Variants in BACH2 observed in about 807,000 individuals in gnomAD.
BACH2 encodes BACH transcriptional regulator 2, also known as transcription regulator protein BACH2.
In BACH2, 5 loss-of-function variants were observed where a neutral mutation model predicts 61.8. That is an observed-to-expected ratio of 0.08 (90% CI 0.04 to 0.17). The LOEUF (loss-of-function observed/expected upper bound fraction) is 0.17. BACH2 is among the 10% of genes least tolerant of loss of function. The pLI is 1.00. For missense variants in BACH2, 824 were observed against 1,091.1 expected, an observed-to-expected ratio of 0.76 and a Z score of 3.45; for synonymous variants, 446 against 440.1, an observed-to-expected ratio of 1.01 and a Z score of -0.17.
chr6:90,000,607 G>T (rs1196717183), intron 6 of BACH2, among the ~76,000 whole-genome samples: 1 of 152,186 alleles, frequency 6.6e-6, no homozygotes, highest in Admixed American at 6.5e-5. Context: ...GGCCCTGCAA[G>T]TCAAACTGGT....
chr6:90,246,498 T>C (rs147564079), intron 3 of BACH2, among the ~76,000 whole-genome samples: 1 of 152,266 alleles, frequency 6.6e-6, no homozygotes, highest in Non-Finnish European at 1.5e-5. Flanking sequence ...TCCTCCCTAT[T>C]GATGTCTAAT....
intron 5 of BACH2, among the ~76,000 whole-genome samples, chr6:90,069,286 G>A (rs1781112455): frequency 6.6e-6 from 1 of 152,194 alleles, no homozygotes; most frequent in Non-Finnish European, 1.5e-5. Context: ...GGATGGCAGT[G>A]TTCCAATTTC....
intron 8 of BACH2, among the ~76,000 whole-genome samples, chr6:89,934,064 A>G (rs1030588079): frequency 6.6e-6 from 1 of 152,142 alleles, no homozygotes; most frequent in African/African-American, 2.4e-5. Flanking sequence ...TAACATACGG[A>G]GTTTCATATA....
chr6:90,076,260 G>A (rs762937787), intron 5 of BACH2, among the ~76,000 whole-genome samples: 1 of 152,022 alleles, frequency 6.6e-6, no homozygotes, highest in African/African-American at 2.4e-5. Flanking sequence ...GAGCGAATGA[G>A]GATTAAATCT....
chr6:90,287,708 AG>A (rs1772063927), intron 1 of BACH2, among the ~76,000 whole-genome samples: 1 of 152,214 alleles, frequency 6.6e-6, no homozygotes, highest in African/African-American at 2.4e-5. Context: ...CTCTCCATTC[AG>A]AAATGGTCTC....
At chr6:90,026,031 G>A (rs946051732) in intron 5 of BACH2, among the ~76,000 whole-genome samples, 3 of 152,100 alleles carry the variant, frequency 2.0e-5, no homozygotes, top group African/African-American at 7.2e-5. Flanking sequence ...CGGGTGGGAG[G>A]GGAGTTCCCA....
intron 2 of BACH2, among the ~76,000 whole-genome samples, chr6:90,261,368 G>A (rs1243586919): frequency 6.6e-6 from 1 of 152,030 alleles, no homozygotes; most frequent in Admixed American, 6.6e-5. Context: ...TTTTAACCTT[G>A]AAAAAGAATA....
At chr6:89,961,103 A>G (rs1272572225) in intron 6 of BACH2, among the ~76,000 whole-genome samples, 2 of 152,198 alleles carry the variant, frequency 1.3e-5, no homozygotes, top group East Asian at 1.9e-4. Flanking sequence ...ATAGATGGTT[A>G]TATTTCCTAG....
At chr6:90,062,921 C>G in intron 5 of BACH2, 1 of 985,360 alleles carries the variant, frequency 1.0e-6, no homozygotes, top group Non-Finnish European at 1.2e-6. Flanking sequence ...CCAGTTCCTG[C>G]TGATCTGAGA....
chr6:90,150,513 C>T (rs1784778497), intron 4 of BACH2, among the ~76,000 whole-genome samples: 1 of 152,182 alleles, frequency 6.6e-6, no homozygotes, highest in Non-Finnish European at 1.5e-5. Context: ...TCCTGAGAAG[C>T]AGACACTAAC....
chr6:90,030,351 G>A (rs1261734737), intron 5 of BACH2, among the ~76,000 whole-genome samples: 1 of 152,088 alleles, frequency 6.6e-6, no homozygotes, highest in African/African-American at 2.4e-5. Flanking sequence ...GGCTCTGGAA[G>A]GCCTGGGTTT....
chr6:89,933,859 G>A (rs985835346), intron 8 of BACH2, among the ~76,000 whole-genome samples: 3 of 151,986 alleles, frequency 2.0e-5, no homozygotes, highest in African/African-American at 7.3e-5. Flanking sequence ...GGTGGCACAC[G>A]CCTGTAGTTT....
chr6:90,254,466 T>C (rs1352475406), intron 2 of BACH2, among the ~76,000 whole-genome samples: 3 of 152,054 alleles, frequency 2.0e-5, no homozygotes, highest in Non-Finnish European at 4.4e-5. Flanking sequence ...CATATAATGG[T>C]ATAATGCCCC....
intron 4 of BACH2, among the ~76,000 whole-genome samples, chr6:90,187,735 A>T (rs536501928): frequency 3.3e-4 from 50 of 152,336 alleles, no homozygotes; most frequent in African/African-American, 1.1e-3. Context: ...TCTGTTTTTT[A>T]AAAAATTAAA....
intron 4 of BACH2, among the ~76,000 whole-genome samples, chr6:90,177,789 T>G (rs895822785): frequency 2.0e-5 from 3 of 152,162 alleles, no homozygotes; most frequent in Non-Finnish European, 4.4e-5. Context: ...AATGCCATCC[T>G]TAACAGATCC....
At chr6:89,984,656 A>C (rs1444915595) in intron 6 of BACH2, among the ~76,000 whole-genome samples, 1 of 152,198 alleles carries the variant, frequency 6.6e-6, no homozygotes. Flanking sequence ...GTTTTCTTTG[A>C]GTAGAGATTA....
intron 3 of BACH2, among the ~76,000 whole-genome samples, chr6:90,219,663 T>A (rs1464954877): frequency 1.3e-5 from 2 of 152,280 alleles, no homozygotes; most frequent in East Asian, 3.9e-4. Flanking sequence ...CCCTTCCTCA[T>A]CTACTGAGTG....
At position 90,205,079 on chromosome 6, in the gene BACH2, C is replaced by A. The variant is rs1312471861; in HGVS notation, c.-162+1490G>T. Among the ~76,000 whole-genome samples the A allele has an allele frequency of 2.0e-4, 31 of 152,022 alleles. 1 individual carries two copies. The highest frequency in any genetic ancestry group is 1.5e-5 in the Non-Finnish European group (1 of 67,986). On this transcript the variant is annotated intron_variant, in intron 4 of 8. Coordinates refer to ENST00000257749, the MANE Select transcript of BACH2 (RefSeq NM_021813.4). ...GAGGGCTTTTCCAGCTTTCTCCCAC[C>A]CCTGAAGCTGCCCAGGGCCCTTCGT...
At position 89,951,512 on chromosome 6, in the gene BACH2, G is replaced by A. The variant is rs766875161; in HGVS notation, c.594C>T (p.Pro198=). The part of the protein sequence containing the change: ...EPISFEAAAI[P]VAEKEEALLP... The stretch of plus-strand genomic sequence containing the variant: ...GCAGGGCTTCTTCCTTCTCTGCTAC[G>A]GGGATGGCGGCGGCCTCAAAGCTGA... Residue 198 remains proline (P), a synonymous_variant, in exon 7 of 9, where the codon CCC becomes CCT. Coordinates refer to ENST00000257749, the MANE Select transcript of BACH2 (RefSeq NM_021813.4). The surrounding 1 kb of genome is among the most constrained non-coding windows in gnomAD (Gnocchi z 6.4). 5.6e-6 allele frequency: 9 copies of A among 1,614,226 alleles called. No individual in the cohort carries two copies. The highest frequency in any genetic ancestry group is 5.5e-5 in the South Asian group (5 of 91,088).
Sources: gnomAD v4.1 joint callset for allele counts (sites outside exome capture counted in the v4.1 genomes callset) on GRCh38, gnomAD v4.1.1 for gene constraint, Gnocchi (gnomAD v3.1) non-coding constraint, MANE v1.5 for transcripts, NCBI Gene and HGNC (gene_info 2026-07-23, HGNC 2026-07-21) for gene names.